The following RERE variants were observed in gnomAD, a reference collection of about 807,000 sequenced individuals.
RERE encodes arginine-glutamic acid dipeptide repeats protein.
In RERE, 40 loss-of-function variants were observed where a neutral mutation model predicts 146.1. That is an observed-to-expected ratio of 0.27 (90% CI 0.21 to 0.36). The LOEUF (loss-of-function observed/expected upper bound fraction) is 0.36. Among genes scored for constraint, RERE ranks in the 10% least tolerant of loss-of-function variants. The pLI, the probability that RERE is intolerant of heterozygous loss-of-function variation, is 1.00. For missense variants in RERE, 1,933 were observed against 2,138.7 expected (o/e 0.90, Z 1.90); for synonymous variants, 1,003 against 866.0 (o/e 1.16, Z -2.78).
At chr1:8,676,348 C>T (rs1234154761) in intron 1 of RERE, among the ~76,000 whole-genome samples, 1 of 152,136 alleles carries the variant, frequency 6.6e-6, no homozygotes, top group African/African-American at 2.4e-5. Flanking sequence ...AAAAGCCCAA[C>T]TGACCTTTCT....
chr1:8,712,949 G>C (rs1379148187), intron 1 of RERE, among the ~76,000 whole-genome samples: 1 of 152,172 alleles, frequency 6.6e-6, no homozygotes, highest in Admixed American at 6.5e-5. Context: ...TTTGCAGTCA[G>C]CTGCTATGGA....
intron 4 of RERE, among the ~76,000 whole-genome samples, chr1:8,566,916 G>A (rs1414036168): frequency 2.0e-5 from 3 of 151,590 alleles, no homozygotes; most frequent in African/African-American, 7.3e-5. Context: ...TTAGCATTCT[G>A]AGTAGCTGGG....
intron 1 of RERE, among the ~76,000 whole-genome samples, chr1:8,714,791 G>A (rs931587994): frequency 6.6e-6 from 1 of 152,050 alleles, no homozygotes; most frequent in Non-Finnish European, 1.5e-5. Flanking sequence ...TAGAGACGGG[G>A]CATACAAAAC....
chr1:8,720,556 C>T (rs780107302), intron 1 of RERE, among the ~76,000 whole-genome samples: 3 of 151,856 alleles, frequency 2.0e-5, no homozygotes, highest in Non-Finnish European at 2.9e-5. Context: ...AGAACAAGAA[C>T]GAGCAAGAGA....
chr1:8,382,554 CTATTAA>C (rs1557601072), intron 12 of RERE, among the ~76,000 whole-genome samples: 1 of 152,192 alleles, frequency 6.6e-6, no homozygotes, highest in Non-Finnish European at 1.5e-5. Flanking sequence ...AATGAAGTGA[CTATTAA>C]TATTTTCTCA....
intron 12 of RERE, among the ~76,000 whole-genome samples, chr1:8,419,587 T>G (rs372775768): frequency 8.5e-5 from 13 of 152,224 alleles, no homozygotes; most frequent in East Asian, 7.7e-4. Context: ...AAAGGAATTC[T>G]GTACTTTTCA....
At chr1:8,719,060 A>G (rs1639812897) in intron 1 of RERE, among the ~76,000 whole-genome samples, 1 of 152,198 alleles carries the variant, frequency 6.6e-6, no homozygotes, top group Non-Finnish European at 1.5e-5. Flanking sequence ...CCCACTAAAA[A>G]AAAGAAACAG....
At chr1:8,389,850 G>T (rs1033595994) in intron 12 of RERE, among the ~76,000 whole-genome samples, 1 of 152,134 alleles carries the variant, frequency 6.6e-6, no homozygotes, top group South Asian at 2.1e-4. Flanking sequence ...CAGCAATGAC[G>T]ACCCTGTCTC....
chr1:8,785,707 C>T lies in RERE; in HGVS notation c.-145+31453G>A, dbSNP rs145562672. The stretch of plus-strand genomic sequence containing the variant: ...CGCAGTCTTGGCTCACTGCAACCTC[C>T]GCCTCCCGGGTTCAAGCAATTCTCC... On this transcript the variant is annotated intron_variant, in intron 1 of 22. Coordinates refer to ENST00000400908, the MANE Select transcript of RERE (RefSeq NM_001042681.2). Among the ~76,000 whole-genome samples the T allele has an allele frequency of 6.5e-4, 99 of 152,252 alleles. No individual in the cohort carries two copies. The East Asian group carries it at 0.018, about 28-fold the overall frequency.
chr1:8,616,209 G>GGT (rs1231626284), intron 3 of RERE, among the ~76,000 whole-genome samples: 1 of 152,026 alleles, frequency 6.6e-6, no homozygotes, highest in East Asian at 1.9e-4. Context: ...AAAAACACCT[G>GGT]GTAAAGCATT....
chr1:8,577,449 G>C (rs1312552139), intron 4 of RERE, among the ~76,000 whole-genome samples: 1 of 152,124 alleles, frequency 6.6e-6, no homozygotes, highest in Non-Finnish European at 1.5e-5. Flanking sequence ...AAACGGAACA[G>C]AAACAAGCCT....
intron 12 of RERE, among the ~76,000 whole-genome samples, chr1:8,374,786 C>T (rs547108152): frequency 9.8e-5 from 15 of 152,356 alleles, no homozygotes; most frequent in East Asian, 5.8e-4. Context: ...CCCCGCCTCA[C>T]GGCCTTTGGC....
intron 4 of RERE, among the ~76,000 whole-genome samples, chr1:8,606,428 A>G (rs1406297642): frequency 1.3e-5 from 2 of 152,192 alleles, no homozygotes; most frequent in Non-Finnish European, 2.9e-5. Context: ...ACTAATATAC[A>G]TACTTTAAAA....
At chr1:8,537,860 A>G (rs1286490923) in intron 7 of RERE, among the ~76,000 whole-genome samples, 3 of 152,246 alleles carry the variant, frequency 2.0e-5, no homozygotes, top group African/African-American at 7.2e-5. Context: ...TGACCAGGTT[A>G]GAGAAAAAAA....
chr1:8,522,268 A>C (rs2124344046), intron 7 of RERE, among the ~76,000 whole-genome samples: 1 of 152,314 alleles, frequency 6.6e-6, no homozygotes, highest in Non-Finnish European at 1.5e-5. Flanking sequence ...TTTAGCTATT[A>C]TTTTCTACCT....
chr1:8,469,163 G>A (rs1170059129), intron 10 of RERE, among the ~76,000 whole-genome samples: 6 of 151,592 alleles, frequency 4.0e-5, no homozygotes, highest in Admixed American at 6.6e-5. Context: ...AAAAAAAATC[G>A]GCCTCAAGTG....
At chr1:8,546,857 A>AC (rs1310247400) in intron 6 of RERE, among the ~76,000 whole-genome samples, 5 of 150,708 alleles carry the variant, frequency 3.3e-5, no homozygotes, top group East Asian at 1.9e-4. Flanking sequence ...ACAAAACAAA[A>AC]AAAAAAAACA....
rs148713066 is a variant in RERE at position 8,728,285 on chromosome 1, T to C, written c.-144-71844A>G. ...TCATTCCTCTAACCTAATAACTCCA[T>C]AGGCACCTATAACACACCATAACTT... is the stretch of plus-strand genomic sequence containing the variant. On this transcript the variant is annotated intron_variant, in intron 1 of 22. Coordinates refer to ENST00000400908, the MANE Select transcript of RERE (RefSeq NM_001042681.2). 3.9e-5 allele frequency among the ~76,000 whole-genome samples: 6 copies of C among 152,336 alleles called. No individual in the cohort carries two copies. The East Asian group carries it at 9.6e-4, about 24-fold the overall frequency.
At chr1:8,390,987 A>AC (rs1275725488) in intron 12 of RERE, among the ~76,000 whole-genome samples, 2 of 152,190 alleles carry the variant, frequency 1.3e-5, no homozygotes, top group Admixed American at 1.3e-4. Flanking sequence ...CTCAACTGCC[A>AC]CCACCCTCAT....
Sources: gnomAD v4.1 joint callset for allele counts (sites outside exome capture counted in the v4.1 genomes callset) on GRCh38, gnomAD v4.1.1 for gene constraint, MANE v1.5 for transcripts, NCBI Gene and HGNC (gene_info 2026-07-23, HGNC 2026-07-21) for gene names.